IL1RAPL1: variants seen among roughly 807,000 people sequenced by gnomAD.
The protein encoded by IL1RAPL1 is interleukin-1 receptor accessory protein-like 1.
In IL1RAPL1, 3 loss-of-function variants were observed where a neutral mutation model predicts 48.4. That is an observed-to-expected ratio of 0.06 (90% confidence interval 0.03 to 0.16). The LOEUF (loss-of-function observed/expected upper bound fraction) is 0.16. Among genes scored for constraint, IL1RAPL1 ranks in the 10% least tolerant of loss-of-function variants. The pLI is 1.00. For synonymous variants in IL1RAPL1, 185 were observed against 187.7 expected, an observed-to-expected ratio of 0.99 and a Z score of 0.12; for missense variants, 349 against 530.6, an observed-to-expected ratio of 0.66 and a Z score of 3.36.
chrX:28,671,816 T>G (rs754193089), intron 1 of IL1RAPL1, among the ~76,000 whole-genome samples: 4 of 112,111 alleles, frequency 3.6e-5, no homozygotes, highest in South Asian at 7.4e-4. Context: ...CGCACTGGTA[T>G]TTATTTATTT....
At chrX:29,506,833 T>C (rs961803122) in intron 5 of IL1RAPL1, among the ~76,000 whole-genome samples, 1 of 110,795 alleles carries the variant, frequency 9.0e-6, no homozygotes, top group African/African-American at 3.3e-5. Flanking sequence ...ACTCCTGATG[T>C]TTCCAGTGGG....
At chrX:28,692,823 C>T (rs1284623898) in intron 1 of IL1RAPL1, among the ~76,000 whole-genome samples, 1 of 111,029 alleles carries the variant, frequency 9.0e-6, no homozygotes, top group African/African-American at 3.3e-5. Context: ...ACACACACTG[C>T]GCCTGTTTCT....
intron 5 of IL1RAPL1, among the ~76,000 whole-genome samples, chrX:29,627,521 T>C (rs779284155): frequency 6.2e-5 from 7 of 112,196 alleles, no homozygotes; most frequent in African/African-American, 2.3e-4. Flanking sequence ...ATTTACACCA[T>C]CGATTTGTTT....
intron 6 of IL1RAPL1, among the ~76,000 whole-genome samples, chrX:29,852,576 T>C (rs888674002): frequency 2.7e-5 from 3 of 112,255 alleles, no homozygotes; most frequent in Non-Finnish European, 3.8e-5. Context: ...TCATGACAGT[T>C]AGTCTCCTGT....
chrX:28,844,035 C>T (rs368566966), intron 2 of IL1RAPL1, among the ~76,000 whole-genome samples: 2 of 109,614 alleles, frequency 1.8e-5, no homozygotes, highest in African/African-American at 6.6e-5. Context: ...TTGAGCTCAT[C>T]TCCTAACACT....
chrX:28,898,553 A>T (rs1406983772), intron 2 of IL1RAPL1, among the ~76,000 whole-genome samples: 2 of 109,862 alleles, frequency 1.8e-5, no homozygotes, highest in African/African-American at 6.6e-5. Context: ...GGGCTCAAGC[A>T]GTCCTACCGC....
At chrX:29,327,260 C>G (rs1351397902) in intron 3 of IL1RAPL1, among the ~76,000 whole-genome samples, 1 of 110,849 alleles carries the variant, frequency 9.0e-6, no homozygotes, top group Non-Finnish European at 1.9e-5. Flanking sequence ...AAAAGAAATT[C>G]AATTTATATT....
At chrX:28,987,634 C>T (rs1192461740) in intron 2 of IL1RAPL1, among the ~76,000 whole-genome samples, 4 of 111,849 alleles carry the variant, frequency 3.6e-5, no homozygotes, top group South Asian at 7.4e-4. Flanking sequence ...TATCAAGATA[C>T]GCCACACCTA....
chrX:28,621,032 G>C (rs1297743472), intron 1 of IL1RAPL1, among the ~76,000 whole-genome samples: 2 of 112,097 alleles, frequency 1.8e-5, no homozygotes, highest in Admixed American at 9.5e-5. Flanking sequence ...GCCTCATTAA[G>C]TGTTTCTTCC....
At chrX:29,374,726 T>G (rs1933597659) in intron 3 of IL1RAPL1, among the ~76,000 whole-genome samples, 1 of 109,066 alleles carries the variant, frequency 9.2e-6, no homozygotes, top group African/African-American at 3.4e-5. Flanking sequence ...GGGAGATGGA[T>G]GGAGGGGTAC....
At chrX:29,544,944 G>A (rs963211686) in intron 5 of IL1RAPL1, among the ~76,000 whole-genome samples, 5 of 110,633 alleles carry the variant, frequency 4.5e-5, no homozygotes, top group Non-Finnish European at 7.6e-5. Context: ...CTTATAAGAA[G>A]ATGAAATTAG....
In IL1RAPL1 at chrX:29,213,068, G is replaced by GGCTCACCGCAACCTCT. The variant is rs1414089207; in HGVS notation, c.83-69867_83-69852dup. ...GGCTGGAGTGCGATGGCACAATCTC[G>GGCTCACCGCAACCTCT]GCTCACCGCAACCTCTGCCTCCCAG... On this transcript the variant is annotated intron_variant, in intron 2 of 10. Transcript: ENST00000378993. Among the ~76,000 whole-genome samples, 5 of 110,131 alleles carry GGCTCACCGCAACCTCT rather than the reference G, an allele frequency of 4.5e-5. No homozygotes were observed. The Admixed American group carries it at 4.8e-4, about 11-fold the overall frequency.
intron 5 of IL1RAPL1, among the ~76,000 whole-genome samples, chrX:29,641,382 C>T (rs960379356): frequency 1.3e-4 from 15 of 112,226 alleles, no homozygotes; most frequent in African/African-American, 3.2e-4. Flanking sequence ...GAATAGTTTC[C>T]ACCTAAGTGC....
chrX:29,173,173 A>G (rs1188852594), intron 2 of IL1RAPL1, among the ~76,000 whole-genome samples: 1 of 111,569 alleles, frequency 9.0e-6, no homozygotes, highest in Non-Finnish European at 1.9e-5. Flanking sequence ...ATACTTACAA[A>G]ACAGTGCTAA....
At chrX:29,366,392 G>A (rs1933455717) in intron 3 of IL1RAPL1, among the ~76,000 whole-genome samples, 1 of 110,021 alleles carries the variant, frequency 9.1e-6, no homozygotes, top group Non-Finnish European at 1.9e-5. Context: ...TCTGACAGTC[G>A]CAAGGAAGTG....
chrX:28,677,314 T>C (rs182818762), intron 1 of IL1RAPL1, among the ~76,000 whole-genome samples: 1 of 112,277 alleles, frequency 8.9e-6, no homozygotes, highest in African/African-American at 3.2e-5. Flanking sequence ...TCATGTGATA[T>C]ATACAGTTTT....
chrX:29,773,309 C>T (rs764250203), intron 6 of IL1RAPL1, among the ~76,000 whole-genome samples: 2 of 111,725 alleles, frequency 1.8e-5, no homozygotes, highest in African/African-American at 6.5e-5. Context: ...CATGGGCTTT[C>T]ATTACTTATT....
intron 6 of IL1RAPL1, among the ~76,000 whole-genome samples, chrX:29,726,238 A>G (rs1273056688): frequency 8.9e-6 from 1 of 112,391 alleles, no homozygotes; most frequent in Non-Finnish European, 1.9e-5. Flanking sequence ...TATTTTTCAA[A>G]TTGGCATATA....
intron 2 of IL1RAPL1, among the ~76,000 whole-genome samples, chrX:29,180,583 G>A (rs1001791981): frequency 1.8e-5 from 2 of 110,347 alleles, no homozygotes; most frequent in African/African-American, 3.3e-5. Context: ...CACCGTGTTG[G>A]CCAGGCTGGT....
Sources: allele counts gnomAD v4.1 joint callset (sites outside exome capture counted in the v4.1 genomes callset), GRCh38; gene constraint gnomAD v4.1.1; transcripts MANE v1.5; gene names NCBI Gene and HGNC (gene_info 2026-07-23, HGNC 2026-07-21).